SCRN3: variants seen among roughly 807,000 people sequenced by gnomAD.
The protein encoded by SCRN3 is secernin-3.
A neutral mutation model predicts 43.1 loss-of-function variants in SCRN3; 39 were observed. The ratio of observed to expected loss-of-function variants is 0.91; its 90% CI spans 0.70 to 1.18. SCRN3 has a LOEUF of 1.18. SCRN3 is among the 50% of genes most tolerant of loss of function. The probability of loss-of-function intolerance (pLI) is 0.00; values close to 1 mark genes in which losing one functional copy is unlikely to be tolerated. For synonymous variants in SCRN3, 147 were observed against 163.1 expected (o/e 0.90, Z 0.75); for missense variants, 484 against 498.0 (o/e 0.97, Z 0.27).
intron 7 of SCRN3, among the ~76,000 whole-genome samples, chr2:174,425,104 C>T (rs144805460): frequency 0.01 from 1,538 of 151,928 alleles, 11 homozygotes; most frequent in Non-Finnish European, 0.016. Context: ...TGATACAGAC[C>T]CAGATTAAAA....
At chr2:174,420,859 A>T (rs1438070932) in intron 5 of SCRN3, among the ~76,000 whole-genome samples, 3 of 152,156 alleles carry the variant, frequency 2.0e-5, no homozygotes, top group Non-Finnish European at 4.4e-5. Flanking sequence ...AAGATTGGAG[A>T]CTCAACAGGA....
chr2:174,396,679 T>G (rs563149178), intron 1 of SCRN3, among the ~76,000 whole-genome samples: 9 of 151,930 alleles, frequency 5.9e-5, no homozygotes, highest in African/African-American at 2.2e-4. Flanking sequence ...GCGCCTGTAA[T>G]CCCAGCTACT....
Position 174,427,810 on chromosome 2 carries a change from A to G in SCRN3, c.1190A>G (p.Glu397Gly), listed in dbSNP as rs187311264. Residue 397 changes from glutamate (E) to glycine (G), a missense_variant, in exon 8 of 8, where the codon GAG becomes GGG. Transcript: ENST00000272732. ...CTTCAAAACAAGCATCTTGATGTGGAGAAAATTGTTAATCTCTTTCCTCAG... is the reference window on the plus strand; with the variant it reads ...CTTCAAAACAAGCATCTTGATGTGGGGAAAATTGTTAATCTCTTTCCTCAG... ...SILQNKHLDV[E>G]KIVNLFPQCT... is the part of the protein sequence containing the mutation. 1.4e-5 allele frequency: 22 copies of G among 1,610,996 alleles called. No homozygotes were observed. The East Asian group carries it at 3.4e-4, about 25-fold the overall frequency.
Position 174,412,883 on chromosome 2 carries a change from TTG to T in SCRN3, c.754+8569_754+8570del, listed in dbSNP as rs1308442406. Among the ~76,000 whole-genome samples, 55 of 147,790 alleles carry T rather than the reference TTG, an allele frequency of 3.7e-4. 1 individual carries two copies. The highest frequency in any genetic ancestry group is 1.1e-3 in the African/African-American group (45 of 39,490). On this transcript the variant is annotated intron_variant, in intron 5 of 7. Coordinates refer to ENST00000272732, the MANE Select transcript of SCRN3 (RefSeq NM_024583.5). ...TGCTTTTTTTTTTTTTTTTTTTTTT[TTG>T]AGATGGGGTTTCACTCTTGTTGCCC...
At chr2:174,426,350 AT>A (rs1404157955) in intron 7 of SCRN3, among the ~76,000 whole-genome samples, 1 of 152,124 alleles carries the variant, frequency 6.6e-6, no homozygotes, top group Non-Finnish European at 1.5e-5. Flanking sequence ...GACAAAATCC[AT>A]TTTTTTCCCA....
chr2:174,399,358 T>G (rs966530752), intron 2 of SCRN3, among the ~76,000 whole-genome samples: 4 of 152,180 alleles, frequency 2.6e-5, no homozygotes, highest in African/African-American at 9.7e-5. Flanking sequence ...TGGGCATACC[T>G]AATGGTTGAC....
At chr2:174,422,836 C>A in intron 5 of SCRN3, 49 bp from the exon 6 acceptor site, 2 of 1,175,178 alleles carry the variant, frequency 1.7e-6, no homozygotes, top group South Asian at 1.4e-5. Flanking sequence ...ATTTGCAAGG[C>A]ATCCGTATAT....
chr2:174,398,230 C>A, intron 1 of SCRN3, 45 bp from the exon 2 acceptor site: 1 of 1,232,646 alleles, frequency 8.1e-7, no homozygotes, highest in Non-Finnish European at 1.1e-6. Flanking sequence ...TTTTTATATA[C>A]TTAAAAGTGT....
chr2:174,423,613 G>A (rs1219137757), intron 6 of SCRN3, among the ~76,000 whole-genome samples: 2 of 151,832 alleles, frequency 1.3e-5, no homozygotes, highest in Non-Finnish European at 2.9e-5. Context: ...GGGATTACAT[G>A]CGTGCGCCAC....
At chr2:174,427,685 GTTTATC>G (rs1307014375) in intron 7 of SCRN3, 22 bp from the exon 8 acceptor site, 3 of 1,476,718 alleles carry the variant, frequency 2.0e-6, no homozygotes, top group Non-Finnish European at 1.9e-6. Context: ...ATGTATATGT[GTTTATC>G]TTTATATTTT....
At chr2:174,415,897 G>T (rs1328227537) in intron 5 of SCRN3, among the ~76,000 whole-genome samples, 2 of 152,108 alleles carry the variant, frequency 1.3e-5, no homozygotes, top group African/African-American at 4.8e-5. Flanking sequence ...TGCCCACCTT[G>T]GCCTATCAAA....
At chr2:174,425,742 G>A (rs1468096921) in intron 7 of SCRN3, among the ~76,000 whole-genome samples, 3 of 151,926 alleles carry the variant, frequency 2.0e-5, no homozygotes, top group East Asian at 1.9e-4. Flanking sequence ...ATAAGATGTC[G>A]ATTGACAACT....
intron 3 of SCRN3, among the ~76,000 whole-genome samples, chr2:174,400,378 C>T (rs751306720): frequency 6.9e-4 from 105 of 152,210 alleles, no homozygotes; most frequent in Non-Finnish European, 3.1e-4. Context: ...CCTTGAATTC[C>T]TGAGCTCAAG....
At chr2:174,400,245 G>A in intron 3 of SCRN3, 142 bp downstream of exon 3, 1 of 557,016 alleles carries the variant, frequency 1.8e-6, no homozygotes. Flanking sequence ...GTACCGGCAT[G>A]CAATTTCATG....
intron 5 of SCRN3, among the ~76,000 whole-genome samples, chr2:174,406,457 T>C (rs1369898723): frequency 1.4e-5 from 2 of 139,652 alleles, no homozygotes; most frequent in African/African-American, 5.0e-5. Flanking sequence ...TATTTCCTTC[T>C]CCTGCCTAAT....
intron 4 of SCRN3, 73 bp from the exon 5 acceptor site, chr2:174,404,030 A>G: frequency 8.6e-7 from 1 of 1,169,134 alleles, no homozygotes; most frequent in Non-Finnish European, 1.2e-6. Flanking sequence ...ATTAGGAATC[A>G]TGATATACAG....
chr2:174,409,813 G>A lies in SCRN3; in HGVS notation c.754+5498G>A, dbSNP rs879996107. Among the ~76,000 whole-genome samples the A allele has an allele frequency of 8.6e-5, 11 of 127,738 alleles. No individual in the cohort carries two copies. The East Asian group carries it at 1.8e-3, about 21-fold the overall frequency. 83.8% of individuals were successfully genotyped at this position (127,738 alleles called of 152,430 possible). A position where few individuals can be genotyped will look rare whatever the true frequency, so the allele number is the denominator to read the frequency against. ...GACCCACTTGAGCAGGCAGTCTGCCGGTTCTCAGATCTCCAGCTGCGTGCT... is the reference window on the plus strand; with the variant it reads ...GACCCACTTGAGCAGGCAGTCTGCCAGTTCTCAGATCTCCAGCTGCGTGCT... On this transcript the variant is annotated intron_variant, in intron 5 of 7. Coordinates refer to ENST00000272732, the MANE Select transcript of SCRN3 (RefSeq NM_024583.5).
chr2:174,406,529 C>A lies in SCRN3; in HGVS notation c.754+2214C>A, dbSNP rs374718889. On this transcript the variant is annotated intron_variant, in intron 5 of 7. Coordinates refer to ENST00000272732, the MANE Select transcript of SCRN3 (RefSeq NM_024583.5). ...GAGTGGTCAGAGAGGGCATCCCTGT[C>A]TTGTGCCAGTTTTCAAAGGAAATGC... 2.7e-5 allele frequency among the ~76,000 whole-genome samples: 4 copies of A among 150,048 alleles called. No homozygotes were observed. In the East Asian group the frequency reaches 7.8e-4, roughly 29 times the overall value.
At chr2:174,422,082 C>T (rs1686311871) in intron 5 of SCRN3, among the ~76,000 whole-genome samples, 1 of 152,044 alleles carries the variant, frequency 6.6e-6, no homozygotes, top group Non-Finnish European at 1.5e-5. Context: ...AAATGGTCTA[C>T]TTAAATCCAA....
Sources: gnomAD v4.1 joint callset for allele counts (sites outside exome capture counted in the v4.1 genomes callset) on GRCh38, gnomAD v4.1.1 for gene constraint, MANE v1.5 for transcripts, NCBI Gene and HGNC (gene_info 2026-07-23, HGNC 2026-07-21) for gene names.